The following SLC25A37 variants were observed in gnomAD, a reference collection of about 807,000 sequenced individuals.
SLC25A37 encodes mitoferrin-1.
In SLC25A37, 17 loss-of-function variants were observed where a neutral mutation model predicts 31.0. The ratio of observed to expected loss-of-function variants is 0.55; its 90% CI spans 0.38 to 0.82. SLC25A37 has a LOEUF of 0.82. SLC25A37 is among the 40% of genes least tolerant of loss of function. The pLI, the probability that SLC25A37 is intolerant of heterozygous loss-of-function variation, is 0.00. For missense variants in SLC25A37, 404 were observed against 465.8 expected (o/e 0.87, Z 1.22); for synonymous variants, 222 against 193.0 (o/e 1.15, Z -1.24).
chr8:23,561,866 A>G (rs928484925), intron 1 of SLC25A37, among the ~76,000 whole-genome samples: 1 of 152,260 alleles, frequency 6.6e-6, no homozygotes, highest in African/African-American at 2.4e-5. Context: ...TCTGATCTTC[A>G]GCCCCTGCTC....
Position 23,558,985 on chromosome 8 carries a change from TG to T in SLC25A37, c.211-7121del, listed in dbSNP as rs377170343. ...GGTCTTTCTGACTCTCTCTGACACC[TG>T]GATGTTCTTGGCACTTGCTGCTTCA... On this transcript the variant is annotated intron_variant, in intron 1 of 3. Coordinates refer to ENST00000519973, the MANE Select transcript of SLC25A37 (RefSeq NM_016612.4). Among the ~76,000 whole-genome samples the T allele has an allele frequency of 7.6e-3, 1,164 of 152,346 alleles. 8 individuals carry two copies. Among genetic ancestry groups the T allele is most frequent in the Non-Finnish European group, 0.014 (938 of 68,026 alleles).
intron 1 of SLC25A37, among the ~76,000 whole-genome samples, chr8:23,531,115 T>G (rs536740617): frequency 3.9e-5 from 6 of 152,324 alleles, no homozygotes; most frequent in South Asian, 2.1e-4. Flanking sequence ...AGTGAAGTCT[T>G]CTAGGTTCTG....
chr8:23,566,532 C>G, intron 2 of SLC25A37, 196 bp downstream of exon 2: 1 of 1,339,298 alleles, frequency 7.5e-7, no homozygotes, highest in South Asian at 2.0e-5. Context: ...ATGCTTTTTT[C>G]TGTTCCCCTC....
At chr8:23,550,312 C>T (rs1459712640) in intron 1 of SLC25A37, among the ~76,000 whole-genome samples, 5 of 101,174 alleles carry the variant, frequency 4.9e-5, no homozygotes, top group Admixed American at 1.9e-4. Context: ...CATGGCATGG[C>T]GCTGGCTCCG....
intron 1 of SLC25A37, among the ~76,000 whole-genome samples, chr8:23,552,257 A>C (rs1399551934): frequency 6.6e-6 from 1 of 152,228 alleles, no homozygotes; most frequent in Non-Finnish European, 1.5e-5. Flanking sequence ...ATAAACATTT[A>C]TTGAGTACCT....
chr8:23,543,688 C>A (rs1801959666), intron 1 of SLC25A37, among the ~76,000 whole-genome samples: 1 of 152,218 alleles, frequency 6.6e-6, no homozygotes, highest in Non-Finnish European at 1.5e-5. Context: ...GCGCCTGCCA[C>A]CACGCCCAGC....
At position 23,529,422 on chromosome 8, in the gene SLC25A37, C is replaced by T. The variant is rs1053807193; in HGVS notation, c.210+210C>T. Among the ~76,000 whole-genome samples the T allele has an allele frequency of 1.3e-5, 2 of 151,660 alleles. No homozygotes were observed. On this transcript the variant is annotated intron_variant, in intron 1 of 3. Transcript: ENST00000519973. The surrounding 1 kb of genome is among the most constrained non-coding windows in gnomAD (Gnocchi z 4.1). ...CCGCGAGGGTGCCCGGTCCTCGCCC[C>T]GCACCGCCCGCTGCTCCAGCCGCGT...
intron 1 of SLC25A37, among the ~76,000 whole-genome samples, chr8:23,558,855 A>G (rs563771379): frequency 6.6e-5 from 10 of 152,230 alleles, no homozygotes; most frequent in Non-Finnish European, 1.3e-4. Flanking sequence ...CATAGGCAGC[A>G]CGTGAGGGCT....
intron 1 of SLC25A37, among the ~76,000 whole-genome samples, chr8:23,546,090 A>G (rs11775233): frequency 0.37 from 56,473 of 151,346 alleles, 12,156 homozygotes; most frequent in East Asian, 0.61. Flanking sequence ...AGCTGAGATC[A>G]TGCCATTGCA....
intron 1 of SLC25A37, among the ~76,000 whole-genome samples, chr8:23,531,260 C>T (rs1006978301): frequency 1.3e-5 from 2 of 152,190 alleles, no homozygotes; most frequent in African/African-American, 4.8e-5. Flanking sequence ...GGTGCATCCT[C>T]CATCATGGAA....
Position 23,547,406 on chromosome 8 carries a change from T to C in SLC25A37, c.210+18194T>C, listed in dbSNP as rs967628042. Reference sequence around the variant, plus strand: ...AGGGTGAATTGTAATTAGCTTGAGATGACCAGGGGCCCACCAATCAAGCAA... The same window carrying C: ...AGGGTGAATTGTAATTAGCTTGAGACGACCAGGGGCCCACCAATCAAGCAA... On this transcript the variant is annotated intron_variant, in intron 1 of 3. Coordinates refer to ENST00000519973, the MANE Select transcript of SLC25A37 (RefSeq NM_016612.4). 5.9e-5 allele frequency among the ~76,000 whole-genome samples: 9 copies of C among 152,332 alleles called. No individual in the cohort carries two copies. The East Asian group carries it at 1.5e-3, about 26-fold the overall frequency.
At position 23,571,927 on chromosome 8, in the gene SLC25A37, C is replaced by G; in HGVS notation, c.*72C>G. 6.7e-7 allele frequency: 1 copy of G among 1,495,256 alleles called. No individual in the cohort carries two copies. The highest frequency in any genetic ancestry group is 9.0e-7 in the Non-Finnish European group (1 of 1,113,760). The allele number at this position is 1,495,256 out of a possible 1,614,324, so 92.6% of individuals were successfully genotyped here. ...TCCAGCCCCTTGCCCTCTCCTCACA[C>G]GTAGATCATTTTTTTTTTGCAGGGT... On this transcript the variant is annotated 3_prime_UTR_variant, in exon 4 of 4. Transcript: ENST00000519973.
Position 23,571,921 on chromosome 8 carries a change from C to A in SLC25A37, c.*66C>A. 1 of 1,535,178 alleles carries A rather than the reference C, an allele frequency of 6.5e-7. No individual in the cohort carries two copies. Among genetic ancestry groups the A allele is most frequent in the Non-Finnish European group, 8.8e-7 (1 of 1,137,226 alleles). On this transcript the variant is annotated 3_prime_UTR_variant, in exon 4 of 4. Transcript: ENST00000519973. Reference sequence around the variant, plus strand: ...CCTGCATCCAGCCCCTTGCCCTCTCCTCACACGTAGATCATTTTTTTTTTG... The same window carrying A: ...CCTGCATCCAGCCCCTTGCCCTCTCATCACACGTAGATCATTTTTTTTTTG...
chr8:23,540,267 G>A (rs768569865), intron 1 of SLC25A37, among the ~76,000 whole-genome samples: 5 of 152,232 alleles, frequency 3.3e-5, no homozygotes, highest in Non-Finnish European at 7.3e-5. Flanking sequence ...AAGAGAGGAA[G>A]GGAATTAGGC....
intron 1 of SLC25A37, among the ~76,000 whole-genome samples, chr8:23,556,069 T>A (rs1300831065): frequency 6.9e-6 from 1 of 143,958 alleles, no homozygotes; most frequent in Non-Finnish European, 1.5e-5. Flanking sequence ...GGAAGCTTTT[T>A]TCAGAATGTA....
intron 3 of SLC25A37, 35 bp downstream of exon 3, chr8:23,568,413 G>A (rs756935039): frequency 1.9e-6 from 3 of 1,613,344 alleles, no homozygotes; most frequent in Middle Eastern, 1.6e-4. Flanking sequence ...GGGCAGTAGG[G>A]GATGTGCAAA....
At chr8:23,566,851 C>T (rs545844748) in intron 2 of SLC25A37, 164 of 984,566 alleles carry the variant, frequency 1.7e-4, no homozygotes, top group African/African-American at 2.4e-4. Flanking sequence ...ACTCGCGCAA[C>T]GCAGAAGGCC....
At position 23,537,536 on chromosome 8, in the gene SLC25A37, G is replaced by A. The variant is rs1383400558; in HGVS notation, c.210+8324G>A. Among the ~76,000 whole-genome samples, 6 of 152,176 alleles carry A rather than the reference G, an allele frequency of 3.9e-5. No individual in the cohort carries two copies. In the East Asian group the frequency reaches 1.2e-3, roughly 29 times the overall value. On this transcript the variant is annotated intron_variant, in intron 1 of 3. Transcript: ENST00000519973. ...CAGCCATGGCTGGTCCTGCTCTTCA[G>A]CCTCCAAGCCCAGCAGCTTCCTGGT...
At position 23,566,290 on chromosome 8, in the gene SLC25A37, T is replaced by G. The variant is rs759472601; in HGVS notation, c.393T>G (p.Thr131=). ...YFACYENMKR[T]LNDVFHHQGN... ...CCTGCTATGAAAACATGAAAAGGAC[T>G]TTAAATGACGTTTTCCACCACCAAG... Residue 131 remains threonine (T), a synonymous_variant, in exon 2 of 4, where the codon ACT becomes ACG. Coordinates refer to ENST00000519973, the MANE Select transcript of SLC25A37 (RefSeq NM_016612.4). 5.0e-6 allele frequency: 8 copies of G among 1,597,462 alleles called. No individual in the cohort carries two copies. In the East Asian group the frequency reaches 1.4e-4, roughly 27 times the overall value.
Sources: allele counts gnomAD v4.1 joint callset (sites outside exome capture counted in the v4.1 genomes callset), GRCh38; gene constraint gnomAD v4.1.1; non-coding constraint Gnocchi (gnomAD v3.1); transcripts MANE v1.5; gene names NCBI Gene and HGNC (gene_info 2026-07-23, HGNC 2026-07-21).